Variants in SASH1 observed in about 807,000 individuals in gnomAD.
SASH1 encodes the protein SAM and SH3 domain-containing protein 1.
A neutral mutation model predicts 125.2 loss-of-function variants in SASH1; 44 were observed. That is an observed-to-expected ratio of 0.35 (90% CI 0.28 to 0.45). SASH1 has a LOEUF of 0.45. Ranked by LOEUF, SASH1 falls within the 20% of genes least tolerant of loss-of-function variation. The pLI is 1.00. For missense variants in SASH1, 1,426 were observed against 1,614.5 expected (o/e 0.88, Z 2.00); for synonymous variants, 639 against 649.1 (o/e 0.98, Z 0.24).
chr6:148,301,783 T>TG (rs1779953130), intron 1 of SASH1, among the ~76,000 whole-genome samples: 1 of 132,930 alleles, frequency 7.5e-6, no homozygotes, highest in Non-Finnish European at 1.6e-5. Context: ...TTTGTAGAGA[T>TG]GGGGTCTTGC....
At chr6:148,467,883 G>A (rs760669295) in intron 4 of SASH1, among the ~76,000 whole-genome samples, 1 of 152,150 alleles carries the variant, frequency 6.6e-6, no homozygotes, top group Non-Finnish European at 1.5e-5. Context: ...GTTGCAGTGA[G>A]CCAAGATCAT....
chr6:148,447,673 TTCC>T (rs66542189), intron 4 of SASH1, among the ~76,000 whole-genome samples: 46,363 of 144,868 alleles, frequency 0.32, 7,582 homozygotes, highest in South Asian at 0.42. Context: ...CCTCTTGTTC[TTCC>T]TCCTCTTCTT....
intron 8 of SASH1, among the ~76,000 whole-genome samples, chr6:148,487,923 T>G (rs550486725): frequency 5.3e-4 from 80 of 152,176 alleles, no homozygotes; most frequent in African/African-American, 1.7e-3. Context: ...GTTTTGTTTT[T>G]TTTTTTTTTA....
chr6:148,464,728 GAA>G (rs999751534), intron 4 of SASH1, among the ~76,000 whole-genome samples: 2 of 152,154 alleles, frequency 1.3e-5, no homozygotes, highest in African/African-American at 4.8e-5. Flanking sequence ...TTTGCAGGGA[GAA>G]AGTCACTGCA....
chr6:148,548,664 G>A lies in SASH1; in HGVS notation c.*106G>A. 1 of 1,361,136 alleles carries A rather than the reference G, an allele frequency of 7.3e-7. No homozygotes were observed. Among genetic ancestry groups the A allele is most frequent in the Non-Finnish European group, 9.9e-7 (1 of 1,007,084 alleles). 84.3% of individuals were successfully genotyped at this position (1,361,136 alleles called of 1,614,324 possible). A position where few individuals can be genotyped will look rare whatever the true frequency, so the allele number is the denominator to read the frequency against. ...CTGGACGTGCAGACCAGATCCAGAAGAAAGGCCTGGCGTGTGGCCAAACAG... is the reference window on the plus strand; with the variant it reads ...CTGGACGTGCAGACCAGATCCAGAAAAAAGGCCTGGCGTGTGGCCAAACAG... On this transcript the variant is annotated 3_prime_UTR_variant, in exon 20 of 20. Transcript: ENST00000367467.
chr6:148,537,776 C>CTCTG (rs1179993512), intron 16 of SASH1, among the ~76,000 whole-genome samples: 2 of 125,598 alleles, frequency 1.6e-5, no homozygotes, highest in Non-Finnish European at 3.3e-5. Context: ...TTAGCATATT[C>CTCTG]TGTGTGTGTG....
At chr6:148,463,429 A>T (rs376904252) in intron 4 of SASH1, among the ~76,000 whole-genome samples, 14 of 152,286 alleles carry the variant, frequency 9.2e-5, no homozygotes, top group African/African-American at 3.1e-4. Context: ...AGGGTCAGAC[A>T]CTGCGCCCAG....
rs375218400 is a variant in SASH1 at position 148,322,717 on chromosome 6, C to T, written n.74+50340C>T. Among the ~76,000 whole-genome samples the T allele has an allele frequency of 1.4e-3, 211 of 152,294 alleles. 1 individual carries two copies. Among genetic ancestry groups the T allele is most frequent in the Middle Eastern group, 6.8e-3 (2 of 294 alleles). Reference sequence around the variant, plus strand: ...TTGGCATCATGCCATGATAATTCTCCTACTTCTAGAACCAGTCTCTCTCTC... The same window carrying T: ...TTGGCATCATGCCATGATAATTCTCTTACTTCTAGAACCAGTCTCTCTCTC... On this transcript the variant is annotated intron_variant and non_coding_transcript_variant, in intron 1 of 3. Coordinates refer to the SASH1 transcript ENST00000367469.
chr6:148,331,317 G>A (rs570027030), intron 1 of SASH1, among the ~76,000 whole-genome samples: 10 of 151,892 alleles, frequency 6.6e-5, no homozygotes, highest in Non-Finnish European at 1.3e-4. Flanking sequence ...TTCCCAGGCA[G>A]AACTTGTGTT....
chr6:148,273,494 A>G (rs1779113423), intron 1 of SASH1, among the ~76,000 whole-genome samples: 1 of 151,336 alleles, frequency 6.6e-6, no homozygotes, highest in Admixed American at 6.6e-5. Context: ...GGGTTTCACC[A>G]TGTTGACCAG....
chr6:148,320,477 A>G (rs1489925607), intron 1 of SASH1, among the ~76,000 whole-genome samples: 1 of 152,202 alleles, frequency 6.6e-6, no homozygotes, highest in Non-Finnish European at 1.5e-5. Context: ...AGGCTTTGGA[A>G]TCATCTACTC....
chr6:148,225,682 C>T, the SASH1 span, among the ~76,000 whole-genome samples: 6 of 152,170 alleles, frequency 3.9e-5, no homozygotes, highest in African/African-American at 1.4e-4. Context: ...AAGAACTTGT[C>T]CATGTAACGA....
intron 8 of SASH1, among the ~76,000 whole-genome samples, chr6:148,498,151 A>C (rs1779390998): frequency 1.3e-5 from 2 of 151,814 alleles, no homozygotes; most frequent in Admixed American, 1.3e-4. Context: ...TGGGAGGCCA[A>C]GGTGGGTGGA....
At chr6:148,233,932 G>A in the SASH1 span, among the ~76,000 whole-genome samples, 2 of 150,858 alleles carry the variant, frequency 1.3e-5, no homozygotes, top group African/African-American at 2.4e-5. Context: ...AAAACTAAAT[G>A]TTCCTCCCTT....
intron 4 of SASH1, among the ~76,000 whole-genome samples, chr6:148,445,033 C>T (rs1776711903): frequency 6.6e-6 from 1 of 152,166 alleles, no homozygotes; most frequent in Non-Finnish European, 1.5e-5. Context: ...TGTAAACTGT[C>T]ATGGTGCTGC....
chr6:148,414,466 G>T (rs1050054852), intron 2 of SASH1, among the ~76,000 whole-genome samples: 1 of 152,214 alleles, frequency 6.6e-6, no homozygotes, highest in Non-Finnish European at 1.5e-5. Flanking sequence ...CTGAGCTTCA[G>T]GTTCTCTTTC....
intron 7 of SASH1, among the ~76,000 whole-genome samples, chr6:148,475,133 T>C (rs1778284935): frequency 6.6e-6 from 1 of 152,206 alleles, no homozygotes; most frequent in African/African-American, 2.4e-5. Flanking sequence ...CCATTGATTC[T>C]TGAATTTTCA....
At chr6:148,350,415 T>G (rs549270216) in intron 1 of SASH1, among the ~76,000 whole-genome samples, 1 of 152,244 alleles carries the variant, frequency 6.6e-6, no homozygotes, top group Non-Finnish European at 1.5e-5. Context: ...TATAACAATA[T>G]GCACACCACT....
intron 8 of SASH1, among the ~76,000 whole-genome samples, chr6:148,499,060 T>G (rs1294727106): frequency 6.7e-6 from 1 of 149,640 alleles, no homozygotes; most frequent in Admixed American, 6.6e-5. Flanking sequence ...TTTTTTTGTT[T>G]TTTTTTTTTT....
Sources: gnomAD v4.1 joint callset for allele counts (sites outside exome capture counted in the v4.1 genomes callset) on GRCh38, gnomAD v4.1.1 for gene constraint, MANE v1.5 for transcripts, NCBI Gene and HGNC (gene_info 2026-07-23, HGNC 2026-07-21) for gene names.